The following DCLRE1C variants were observed in gnomAD, a reference collection of about 807,000 sequenced individuals.
The protein encoded by DCLRE1C is DNA cross-link repair 1C.
A neutral mutation model predicts 61.4 loss-of-function variants in DCLRE1C; 47 were observed. That is an observed-to-expected ratio of 0.77 (90% CI 0.61 to 0.98). The LOEUF is 0.98. DCLRE1C is among the 50% of genes least tolerant of loss of function. The pLI, the probability that DCLRE1C is intolerant of heterozygous loss-of-function variation, is 0.00. For synonymous variants in DCLRE1C, 337 were observed against 287.6 expected (o/e 1.17, Z -1.74); for missense variants, 858 against 816.0 (o/e 1.05, Z -0.63).
intron 2 of DCLRE1C, chr10:14,945,709 A>G (rs567806772): frequency 2.0e-6 from 1 of 494,550 alleles, no homozygotes. Context: ...CCCAGGCTGG[A>G]GTGCAATGGT....
chr10:14,913,576 A>G (rs1564379924), intron 13 of DCLRE1C, among the ~76,000 whole-genome samples: 1 of 152,246 alleles, frequency 6.6e-6, no homozygotes, highest in Non-Finnish European at 1.5e-5. Context: ...TATGTTAAAG[A>G]TGTATACGGT....
intron 12 of DCLRE1C, 69 bp from the exon 13 acceptor site, chr10:14,919,901 T>C: frequency 1.6e-6 from 2 of 1,266,234 alleles, no homozygotes; most frequent in Non-Finnish European, 2.3e-6. Flanking sequence ...TCATTGATAG[T>C]ATTACAAATT....
chr10:14,904,405 C>CA (rs1399834703), downstream of DCLRE1C: 1 of 130,616 alleles, frequency 7.7e-6, no homozygotes, highest in African/African-American at 3.0e-5. Context: ...AAATCAGTCA[C>CA]ATAGTGTCAG....
intron 5 of DCLRE1C, among the ~76,000 whole-genome samples, 196 bp downstream of exon 5, chr10:14,936,342 T>A (rs1839912256): frequency 1.3e-5 from 2 of 148,768 alleles, no homozygotes; most frequent in African/African-American, 2.5e-5. Flanking sequence ...TTTTTTTTTT[T>A]TAAAAAAAAA....
chr10:14,917,062 G>A (rs374852339), intron 13 of DCLRE1C, among the ~76,000 whole-genome samples: 15 of 152,306 alleles, frequency 9.8e-5, no homozygotes, highest in African/African-American at 3.6e-4. Context: ...TAGAGATTAT[G>A]AAACATAAGA....
Position 14,936,452 on chromosome 10 carries a change from A to G in DCLRE1C, c.362+86T>C, listed in dbSNP as rs12245497. On this transcript the variant is annotated intron_variant, in intron 5 of 13. Transcript: ENST00000378278. The stretch of plus-strand genomic sequence containing the variant: ...CATGTGCCACTGCACCCAGCCCCCT[A>G]TTAATTTTAGACCCTAAAAATTTAT... 0.1 allele frequency: 107,336 copies of G among 1,067,824 alleles called. 5,704 individuals are homozygous for G. The highest frequency in any genetic ancestry group is 0.14 in the Admixed American group (7,145 of 52,004). The allele number at this position is 1,067,824 out of a possible 1,614,324, so 66.1% of individuals were successfully genotyped here.
chr10:14,920,456 C>T (rs1211959877), intron 12 of DCLRE1C: 3 of 997,320 alleles, frequency 3.0e-6, no homozygotes. Flanking sequence ...TACAACATAC[C>T]ATTTGAACAG....
chr10:14,940,438 G>A (rs1441306108), intron 3 of DCLRE1C, among the ~76,000 whole-genome samples: 8 of 151,984 alleles, frequency 5.3e-5, no homozygotes, highest in African/African-American at 1.7e-4. Context: ...ACAGGCGCCC[G>A]CTACTACGCA....
Position 14,908,622 on chromosome 10 carries a change from G to A in DCLRE1C, c.1865C>T (p.Thr622Ile), listed in dbSNP as rs759929745. ...VTIVPSTGEP[T>I]TLSSETHIPE... ...TATATGTGTCTCACTGCTTAGAGTA[G>A]TTGGTTCTCCAGTACTAGGAACTAT... The change falls in exon 14 of 14, where the codon ACT becomes ATT. Residue 622 changes from threonine to isoleucine, a missense_variant. This residue lies in a region of DCLRE1C where 843 missense variants were observed against 783.5 expected (regional missense o/e 1.08). Coordinates refer to ENST00000378278, the MANE Select transcript of DCLRE1C (RefSeq NM_001033855.3). 23 of 1,614,016 alleles carry A rather than the reference G, an allele frequency of 1.4e-5. No homozygotes were observed. The highest frequency in any genetic ancestry group is 2.7e-5 in the African/African-American group (2 of 74,910).
rs1238627850 is a variant in DCLRE1C at position 14,909,177 on chromosome 10, C to T, written c.1310G>A (p.Arg437Lys). The T allele has an allele frequency of 6.2e-7, 1 of 1,614,084 alleles. No individual in the cohort carries two copies. Among genetic ancestry groups the T allele is most frequent in the Non-Finnish European group, 8.5e-7 (1 of 1,180,046 alleles). The change falls in exon 14 of 14, where the codon AGA becomes AAA. Residue 437 changes from arginine (R) to lysine (K), a missense_variant. Arg to Lys is a conservative substitution (Grantham distance 26). Coordinates refer to ENST00000378278, the MANE Select transcript of DCLRE1C (RefSeq NM_001033855.3). ...EKLRQTPGCC[R>K]AECMQSSRFT... ...ACGAGAGCTCTGCATACACTCTGCT[C>T]TGCAGCATCCTGGGGTTTGTCTCAG...
At chr10:14,948,054 G>T (rs544503376) in intron 2 of DCLRE1C, among the ~76,000 whole-genome samples, 2 of 152,030 alleles carry the variant, frequency 1.3e-5, no homozygotes, top group South Asian at 4.2e-4. Flanking sequence ...TGTCACAAAA[G>T]TCAATAAGTA....
intron 13 of DCLRE1C, among the ~76,000 whole-genome samples, chr10:14,911,975 C>T (rs77985321): frequency 0.037 from 5,702 of 152,214 alleles, 193 homozygotes; most frequent in Middle Eastern, 0.13. Context: ...TACATATTGC[C>T]GGAGAGAATG....
At chr10:14,934,674 G>T in intron 7 of DCLRE1C, 29 bp downstream of exon 7, 1 of 1,612,218 alleles carries the variant, frequency 6.2e-7, no homozygotes, top group Non-Finnish European at 8.5e-7. Context: ...ACACCCAGAT[G>T]ATAACCCTGT....
At chr10:14,916,308 CAAT>C (rs1240224859) in intron 13 of DCLRE1C, among the ~76,000 whole-genome samples, 4 of 152,194 alleles carry the variant, frequency 2.6e-5, no homozygotes, top group African/African-American at 4.8e-5. Flanking sequence ...TATACACAAA[CAAT>C]GATGATCTTA....
In DCLRE1C at chr10:14,932,811, T is replaced by C. The variant is rs181286737; in HGVS notation, c.780+43A>G. ...AAGCCCTGACCTTTCTTCTTTTTCA[T>C]AGATTACACAAACAATACGAGAGGA... On this transcript the variant is annotated intron_variant, in intron 9 of 13. Coordinates refer to ENST00000378278, the MANE Select transcript of DCLRE1C (RefSeq NM_001033855.3). 1,226 of 1,607,858 alleles carry C rather than the reference T, an allele frequency of 7.6e-4. 2 individuals carry two copies. Among genetic ancestry groups the C allele is most frequent in the Non-Finnish European group, 9.3e-4 (1,089 of 1,174,202 alleles).
exon 14 of DCLRE1C, chr10:14,897,698 T>G: frequency 2.2e-6 from 1 of 448,546 alleles, no homozygotes; most frequent in Non-Finnish European, 3.6e-6. Flanking sequence ...AAAAAACTTT[T>G]ATATGAATAA....
intron 1 of DCLRE1C, among the ~76,000 whole-genome samples, chr10:14,951,718 G>A (rs1056773216): frequency 1.3e-5 from 2 of 152,172 alleles, no homozygotes; most frequent in African/African-American, 2.4e-5. Flanking sequence ...GGCCCCGCAT[G>A]AGGACAGAGC....
chr10:14,931,250 G>T (rs1281826594), intron 9 of DCLRE1C, among the ~76,000 whole-genome samples: 1 of 152,178 alleles, frequency 6.6e-6, no homozygotes, highest in African/African-American at 2.4e-5. Context: ...AGAGAAGGAG[G>T]TTCTGTGTTG....
Position 14,945,086 on chromosome 10 carries a change from T to A in DCLRE1C, c.246+19A>T, listed in dbSNP as rs1322499689. ...TTCCCACTTAAAAAAAATTAAGTTA[T>A]TAAAAAAATAAAACTTACAATTCGT... On this transcript the variant is annotated intron_variant, in intron 3 of 13. Coordinates refer to ENST00000378278, the MANE Select transcript of DCLRE1C (RefSeq NM_001033855.3). 1 of 1,587,556 alleles carries A rather than the reference T, an allele frequency of 6.3e-7. No individual in the cohort carries two copies. The highest frequency in any genetic ancestry group is 8.6e-7 in the Non-Finnish European group (1 of 1,164,334).
Sources: gnomAD v4.1 joint callset for allele counts (sites outside exome capture counted in the v4.1 genomes callset) on GRCh38, gnomAD v4.1.1 for gene constraint, gnomAD v4.1.1 regional missense constraint, MANE v1.5 for transcripts, NCBI Gene and HGNC (gene_info 2026-07-23, HGNC 2026-07-21) for gene names.